The following ROBO1 variants were observed in gnomAD, a reference collection of about 807,000 sequenced individuals.
ROBO1 encodes roundabout homolog 1.
In ROBO1, 149 loss-of-function variants were observed where a neutral mutation model predicts 195.9. The observed-to-expected ratio is 0.76, with a 90% confidence interval of 0.67 to 0.87. ROBO1 has a LOEUF of 0.87. Ranked by LOEUF, ROBO1 falls within the 40% of genes least tolerant of loss-of-function variation. The pLI is 0.00. For missense variants in ROBO1, 1,933 were observed against 2,068.3 expected, an observed-to-expected ratio of 0.93 and a Z score of 1.27; for synonymous variants, 816 against 733.2, an observed-to-expected ratio of 1.11 and a Z score of -1.82.
At chr3:79,107,036 A>G (rs561010303) in intron 3 of ROBO1, among the ~76,000 whole-genome samples, 1 of 151,720 alleles carries the variant, frequency 6.6e-6, no homozygotes, top group African/African-American at 2.4e-5. Flanking sequence ...CTTACCATAG[A>G]TACAGGATTT....
In ROBO1 at chr3:78,608,267, G is replaced by GCCTACAA. The variant is rs1559639886; in HGVS notation, c.4436-1227_4436-1226insTTGTAGG. On this transcript the variant is annotated intron_variant, in intron 28 of 30. Coordinates refer to ENST00000464233, the MANE Select transcript of ROBO1 (RefSeq NM_002941.4). ...ACTGGGACTACATGCCACCACACCC[G>GCCTACAA]ATTAACTTTTGTAGTTTTTGTAGAG... Among the ~76,000 whole-genome samples the GCCTACAA allele has an allele frequency of 9.7e-3, 1,470 of 151,808 alleles. 23 individuals are homozygous for GCCTACAA. Among genetic ancestry groups the GCCTACAA allele is most frequent in the African/African-American group, 0.033 (1,349 of 41,416 alleles).
At chr3:79,648,576 G>C (rs1945904194) in intron 1 of ROBO1, among the ~76,000 whole-genome samples, 1 of 151,970 alleles carries the variant, frequency 6.6e-6, no homozygotes, top group Non-Finnish European at 1.5e-5. Flanking sequence ...AATAATTAAT[G>C]ATAGGAGATT....
chr3:79,230,725 T>C (rs148849419), intron 2 of ROBO1, among the ~76,000 whole-genome samples: 158 of 151,992 alleles, frequency 1.0e-3, no homozygotes, highest in African/African-American at 3.4e-3. Flanking sequence ...TAAACTACGA[T>C]TGACATTCTT....
At chr3:79,320,823 A>G (rs905358550) in intron 2 of ROBO1, among the ~76,000 whole-genome samples, 1 of 152,222 alleles carries the variant, frequency 6.6e-6, no homozygotes, top group Non-Finnish European at 1.5e-5. Context: ...AGAGATAAGT[A>G]TTTAATTTTA....
chr3:79,231,194 G>A (rs1291526438), intron 2 of ROBO1, among the ~76,000 whole-genome samples: 1 of 152,020 alleles, frequency 6.6e-6, no homozygotes, highest in Non-Finnish European at 1.5e-5. Flanking sequence ...AAAAGCAATT[G>A]CAATATAAGC....
chr3:79,576,524 T>C (rs1262645122), intron 2 of ROBO1, among the ~76,000 whole-genome samples: 1 of 152,104 alleles, frequency 6.6e-6, no homozygotes, highest in Non-Finnish European at 1.5e-5. Context: ...AAATATTGTC[T>C]AGTTTAAGAA....
intron 2 of ROBO1, among the ~76,000 whole-genome samples, chr3:79,359,302 G>GA (rs796388707): frequency 8.8e-5 from 13 of 148,316 alleles, no homozygotes; most frequent in South Asian, 6.4e-4. Context: ...TTTATAAAGT[G>GA]AAAAAAAAAG....
At chr3:79,332,158 A>T (rs2034470439) in intron 2 of ROBO1, among the ~76,000 whole-genome samples, 1 of 151,396 alleles carries the variant, frequency 6.6e-6, no homozygotes, top group Admixed American at 6.6e-5. Context: ...AAGAAAAAAA[A>T]AAAAAAAAGA....
intron 4 of ROBO1, among the ~76,000 whole-genome samples, chr3:78,927,386 A>G (rs1193596814): frequency 3.9e-5 from 6 of 152,226 alleles, no homozygotes; most frequent in African/African-American, 1.2e-4. Flanking sequence ...AAAGTATGAA[A>G]TATTACACAA....
chr3:78,981,987 C>T (rs1019596923), intron 3 of ROBO1, among the ~76,000 whole-genome samples: 3 of 152,126 alleles, frequency 2.0e-5, no homozygotes, highest in Non-Finnish European at 2.9e-5. Context: ...GTTGTTGCCA[C>T]ATCCAGACAG....
intron 3 of ROBO1, among the ~76,000 whole-genome samples, chr3:79,065,861 G>A (rs2078995030): frequency 6.6e-6 from 1 of 151,900 alleles, no homozygotes; most frequent in Non-Finnish European, 1.5e-5. Flanking sequence ...GATGGTGATG[G>A]TAAGTCTCTC....
At chr3:78,740,763 G>A (rs925302048) in intron 5 of ROBO1, among the ~76,000 whole-genome samples, 8 of 151,972 alleles carry the variant, frequency 5.3e-5, no homozygotes, top group East Asian at 1.9e-4. Context: ...ATGAGCCACC[G>A]CGCCTGGCAA....
At chr3:79,754,889 A>T (rs1704306781) in intron 1 of ROBO1, among the ~76,000 whole-genome samples, 1 of 152,056 alleles carries the variant, frequency 6.6e-6, no homozygotes, top group Non-Finnish European at 1.5e-5. Flanking sequence ...TTATTTATTT[A>T]ATTATTTTGA....
intron 2 of ROBO1, among the ~76,000 whole-genome samples, chr3:79,317,361 C>A (rs116129182): frequency 0.044 from 6,699 of 152,004 alleles, 275 homozygotes; most frequent in African/African-American, 0.11. Flanking sequence ...TAGTAATTAT[C>A]TCATGGTAGA....
At chr3:78,835,105 T>C (rs2032592476) in intron 4 of ROBO1, among the ~76,000 whole-genome samples, 1 of 152,156 alleles carries the variant, frequency 6.6e-6, no homozygotes, top group South Asian at 2.1e-4. Flanking sequence ...TAAACAGATG[T>C]TTTTGTCATC....
chr3:79,042,524 T>A (rs2108337301), intron 3 of ROBO1, among the ~76,000 whole-genome samples: 1 of 152,154 alleles, frequency 6.6e-6, no homozygotes, highest in South Asian at 2.1e-4. Flanking sequence ...AATTTTGCTT[T>A]GTAATTTCCA....
chr3:78,979,290 A>G (rs966539258), intron 3 of ROBO1, among the ~76,000 whole-genome samples: 7 of 152,154 alleles, frequency 4.6e-5, no homozygotes, highest in Non-Finnish European at 8.8e-5. Flanking sequence ...AGCCAACGTG[A>G]AATAAAAATG....
chr3:79,634,808 T>A (rs1027498254), intron 1 of ROBO1, among the ~76,000 whole-genome samples: 1 of 152,184 alleles, frequency 6.6e-6, no homozygotes, highest in Non-Finnish European at 1.5e-5. Context: ...TTGTTGTGCC[T>A]TCAATGTTTG....
intron 1 of ROBO1, among the ~76,000 whole-genome samples, chr3:79,643,017 T>C (rs2106682830): frequency 6.6e-6 from 1 of 152,160 alleles, no homozygotes; most frequent in South Asian, 2.1e-4. Context: ...GATTAACATT[T>C]GAATCAGTGG....
Sources: allele counts gnomAD v4.1 joint callset (sites outside exome capture counted in the v4.1 genomes callset), GRCh38; gene constraint gnomAD v4.1.1; transcripts MANE v1.5; gene names NCBI Gene and HGNC (gene_info 2026-07-23, HGNC 2026-07-21).